KCNQ3: variants seen among roughly 807,000 people sequenced by gnomAD.
KCNQ3 encodes the protein potassium voltage-gated channel subfamily Q member 3.
Under a neutral mutation model 92.5 loss-of-function variants are expected in KCNQ3, and 30 were observed. The ratio of observed to expected loss-of-function variants is 0.32; its 90% CI spans 0.24 to 0.44. The LOEUF (loss-of-function observed/expected upper bound fraction) is 0.44, where lower values mean the gene tolerates loss of function less well. Among genes scored for constraint, KCNQ3 ranks in the 20% least tolerant of loss-of-function variants. The pLI is 1.00. For synonymous variants in KCNQ3, 450 were observed against 468.8 expected (o/e 0.96, Z 0.52); for missense variants, 913 against 1,140.3 (o/e 0.80, Z 2.87).
In KCNQ3 at chr8:132,129,678, G is replaced by C. The variant is rs761731305; in HGVS notation, c.2203C>G (p.Pro735Ala). ...PSSGKVQATPPSSATTYVERP... is the reference protein window; with the variant it reads ...PSSGKVQATPASSATTYVERP... ...TCCACATACGTTGTTGCTGAGGAAG[G>C]AGGAGTTGCCTGAACCTTTCCAGAA... is the stretch of plus-strand genomic sequence containing the variant. Residue 735 changes from proline to alanine, a missense_variant, in exon 15 of 15, where the codon CCT becomes GCT. Physicochemically the swap from Pro to Ala is conservative, Grantham distance 27 (BLOSUM62 -1). Coordinates refer to ENST00000388996, the MANE Select transcript of KCNQ3 (RefSeq NM_004519.4). This position sits in a 1 kb window ranked among gnomAD's most constrained non-coding sequence, Gnocchi z 5.9. 1.2e-6 allele frequency: 2 copies of C among 1,614,198 alleles called. No homozygotes were observed. Among genetic ancestry groups the C allele is most frequent in the Admixed American group, 1.7e-5 (1 of 60,028 alleles).
intron 1 of KCNQ3, among the ~76,000 whole-genome samples, chr8:132,399,785 T>C (rs543340920): frequency 2.0e-4 from 30 of 152,334 alleles, no homozygotes; most frequent in African/African-American, 7.0e-4. Context: ...CTTTACCACC[T>C]GTTTGGCTTC....
rs764225680 is a variant in KCNQ3, at chr8:132,480,272, G to C, written c.261C>G (p.Leu87=). 2 of 1,611,606 alleles carry C rather than the reference G, an allele frequency of 1.2e-6. No homozygotes were observed. Among genetic ancestry groups the C allele is most frequent in the South Asian group, 1.1e-5 (1 of 90,672 alleles). The change falls in exon 1 of 15, where the codon CTC becomes CTG. Residue 87 remains leucine (L), a synonymous_variant. Coordinates refer to ENST00000388996, the MANE Select transcript of KCNQ3 (RefSeq NM_004519.4). ...GQRRTPQGIG[L]LAKTPLSRPV... ...GGCGGCTCAGCGGGGTCTTGGCCAGGAGCCCGATGCCCTGCGGGGTCCTCC... is the reference window on the plus strand; with the variant it reads ...GGCGGCTCAGCGGGGTCTTGGCCAGCAGCCCGATGCCCTGCGGGGTCCTCC...
In KCNQ3 at chr8:132,280,256, C is replaced by G. The variant is rs534474685; in HGVS notation, c.387-94075G>C. 9.2e-5 allele frequency among the ~76,000 whole-genome samples: 14 copies of G among 152,228 alleles called. No homozygotes were observed. In the East Asian group the frequency reaches 2.5e-3, roughly 27 times the overall value. On this transcript the variant is annotated intron_variant, in intron 1 of 14. Coordinates refer to ENST00000388996, the MANE Select transcript of KCNQ3 (RefSeq NM_004519.4). The stretch of plus-strand genomic sequence containing the variant: ...GTTATATTAGTCCATTCTTGCGCTG[C>G]TATAAAAAATATACAAGGTAGGGTA...
chr8:132,176,125 A>G (rs528779539), intron 4 of KCNQ3, among the ~76,000 whole-genome samples: 2 of 152,350 alleles, frequency 1.3e-5, no homozygotes, highest in Non-Finnish European at 2.9e-5. Context: ...ACAGAGCCAC[A>G]GAGTTCCTGA....
chr8:132,153,635 T>C (rs1287805803), intron 9 of KCNQ3, among the ~76,000 whole-genome samples: 2 of 152,040 alleles, frequency 1.3e-5, no homozygotes, highest in African/African-American at 2.4e-5. Flanking sequence ...TATATCACAC[T>C]AGTATTCATG....
chr8:132,185,203 G>C (rs1262542443), intron 2 of KCNQ3, among the ~76,000 whole-genome samples: 1 of 152,248 alleles, frequency 6.6e-6, no homozygotes, highest in Non-Finnish European at 1.5e-5. Context: ...AGAAGGAAGA[G>C]CTGACTCTGG....
At chr8:132,442,253 C>T (rs566397350) in intron 1 of KCNQ3, among the ~76,000 whole-genome samples, 1 of 152,242 alleles carries the variant, frequency 6.6e-6, no homozygotes, top group South Asian at 2.1e-4. Flanking sequence ...AGAAAGTAAA[C>T]CGGATTCTTC....
intron 1 of KCNQ3, among the ~76,000 whole-genome samples, chr8:132,309,376 G>A (rs1298459062): frequency 6.6e-6 from 1 of 152,170 alleles, no homozygotes; most frequent in African/African-American, 2.4e-5. Context: ...AGCACCTACT[G>A]CATGCCAGGG....
At chr8:132,435,558 T>C (rs145524842) in intron 1 of KCNQ3, among the ~76,000 whole-genome samples, 68 of 152,314 alleles carry the variant, frequency 4.5e-4, no homozygotes, top group African/African-American at 1.6e-3. Flanking sequence ...TTGTTATCTC[T>C]GCTTTATTGA....
chr8:132,336,036 A>G (rs566952305), intron 1 of KCNQ3, among the ~76,000 whole-genome samples: 68 of 152,178 alleles, frequency 4.5e-4, no homozygotes, highest in Admixed American at 9.2e-4. Context: ...TGTAGAAGGG[A>G]GCTGAGCTGG....
Position 132,186,186 on chromosome 8 carries a change from A to G in KCNQ3, c.387-5T>C, listed in dbSNP as rs748538913. 1 of 1,606,590 alleles carries G rather than the reference A, an allele frequency of 6.2e-7. No individual in the cohort carries two copies. The highest frequency in any genetic ancestry group is 1.1e-5 in the South Asian group (1 of 90,860). On this transcript the variant is annotated splice_region_variant and splice_polypyrimidine_tract_variant and intron_variant, in intron 1 of 14. Coordinates refer to ENST00000388996, the MANE Select transcript of KCNQ3 (RefSeq NM_004519.4). ...CACCCCAGGACAATCAGGAACCTAG[A>G]GGGGAAGAAAGAAATGGACTAAGGA...
chr8:132,222,520 G>A (rs1028505696), intron 1 of KCNQ3, among the ~76,000 whole-genome samples: 1 of 152,196 alleles, frequency 6.6e-6, no homozygotes, highest in Non-Finnish European at 1.5e-5. Context: ...TAGGCTTAAG[G>A]CAAGGGAAGG....
intron 1 of KCNQ3, among the ~76,000 whole-genome samples, chr8:132,322,682 G>A (rs1453911387): frequency 2.6e-5 from 4 of 152,180 alleles, no homozygotes; most frequent in Non-Finnish European, 4.4e-5. Flanking sequence ...GCAGGCAGAC[G>A]AATGTGCCTC....
intron 1 of KCNQ3, among the ~76,000 whole-genome samples, chr8:132,379,077 T>A (rs1819679922): frequency 6.6e-6 from 1 of 152,182 alleles, no homozygotes; most frequent in African/African-American, 2.4e-5. Flanking sequence ...GTCCCCTGCA[T>A]TTTGGTTGGC....
At chr8:132,301,629 G>A (rs866365167) in intron 1 of KCNQ3, among the ~76,000 whole-genome samples, 2 of 152,192 alleles carry the variant, frequency 1.3e-5, no homozygotes, top group Non-Finnish European at 2.9e-5. Flanking sequence ...CTTGCTGGGT[G>A]ATTGATGGGA....
At chr8:132,447,535 A>C (rs1402493883) in intron 1 of KCNQ3, among the ~76,000 whole-genome samples, 2 of 152,220 alleles carry the variant, frequency 1.3e-5, no homozygotes, top group Non-Finnish European at 2.9e-5. Flanking sequence ...AAGAAAAAGA[A>C]GGAGCAGAGT....
intron 1 of KCNQ3, among the ~76,000 whole-genome samples, chr8:132,477,539 G>T (rs567999249): frequency 1.3e-5 from 2 of 152,318 alleles, no homozygotes; most frequent in East Asian, 3.9e-4. Context: ...CTCCTAAGCT[G>T]CAGGGAGAAT....
At chr8:132,339,053 G>A (rs1818445512) in intron 1 of KCNQ3, among the ~76,000 whole-genome samples, 1 of 152,088 alleles carries the variant, frequency 6.6e-6, no homozygotes, top group Non-Finnish European at 1.5e-5. Flanking sequence ...AAAAGTTCTT[G>A]GGATAAGATG....
chr8:132,277,445 T>C (rs1490938023), intron 1 of KCNQ3, among the ~76,000 whole-genome samples: 1 of 152,120 alleles, frequency 6.6e-6, no homozygotes, highest in African/African-American at 2.4e-5. Flanking sequence ...GAGCTACACA[T>C]TCAAGTTTGC....
Sources: allele counts gnomAD v4.1 joint callset (sites outside exome capture counted in the v4.1 genomes callset), GRCh38; gene constraint gnomAD v4.1.1; non-coding constraint Gnocchi (gnomAD v3.1); transcripts MANE v1.5; gene names NCBI Gene and HGNC (gene_info 2026-07-23, HGNC 2026-07-21).